Variants in WWTR1 observed in about 807,000 individuals in gnomAD.
The protein encoded by WWTR1 is WW domain containing transcription regulator 1, also known as WW domain-containing transcription regulator protein 1.
WWTR1 carries 13 observed loss-of-function variants against 40.1 expected under a neutral mutation model. The ratio of observed to expected loss-of-function variants is 0.32; its 90% CI spans 0.21 to 0.52. The LOEUF is 0.52. Among genes scored for constraint, WWTR1 ranks in the 20% least tolerant of loss-of-function variants. The probability of loss-of-function intolerance (pLI) is 0.97; values close to 1 mark genes in which losing one functional copy is unlikely to be tolerated. For synonymous variants in WWTR1, 230 were observed against 210.1 expected, an observed-to-expected ratio of 1.09 and a Z score of -0.82; for missense variants, 436 against 523.1, an observed-to-expected ratio of 0.83 and a Z score of 1.63.
intron 3 of WWTR1, among the ~76,000 whole-genome samples, chr3:149,561,198 TAGA>T (rs1737065217): frequency 6.6e-6 from 1 of 152,172 alleles, no homozygotes; most frequent in African/African-American, 2.4e-5. Context: ...TGTCTCTCAA[TAGA>T]AGAATTGGTT....
At chr3:149,568,523 CAAAAA>C (rs34414853) in intron 3 of WWTR1, among the ~76,000 whole-genome samples, 2,121 of 64,732 alleles carry the variant, frequency 0.033, 63 homozygotes, top group African/African-American at 0.06. Flanking sequence ...AATTAAAGTG[CAAAAA>C]AAAAAAAAAA....
intron 2 of WWTR1, among the ~76,000 whole-genome samples, chr3:149,614,601 C>T (rs947627284): frequency 3.3e-5 from 5 of 152,172 alleles, no homozygotes; most frequent in Non-Finnish European, 5.9e-5. Context: ...ATGTTTGATT[C>T]TACATCTTCC....
At chr3:149,605,382 C>T (rs1739438880) in intron 2 of WWTR1, among the ~76,000 whole-genome samples, 1 of 151,988 alleles carries the variant, frequency 6.6e-6, no homozygotes, top group African/African-American at 2.4e-5. Flanking sequence ...CACTAGAAAA[C>T]ATAGACAAGG....
At chr3:149,596,982 A>G (rs988886500) in intron 2 of WWTR1, among the ~76,000 whole-genome samples, 1 of 152,244 alleles carries the variant, frequency 6.6e-6, no homozygotes, top group Non-Finnish European at 1.5e-5. Flanking sequence ...ATAGAAAACT[A>G]TCAATAAATA....
rs759760872 is a variant in WWTR1, at chr3:149,572,853, T to C, written c.568+11A>G. On this transcript the variant is annotated intron_variant, in intron 3 of 6. Coordinates refer to ENST00000360632, the MANE Select transcript of WWTR1 (RefSeq NM_015472.6). The stretch of plus-strand genomic sequence containing the variant: ...ATATCTTTTTTAATTTTAAAAAAGC[T>C]TGAGGCTTACCGAGATTTGGCTGGG... The C allele has an allele frequency of 6.8e-6, 11 of 1,613,346 alleles. 1 individual carries two copies. The Admixed American group carries it at 1.3e-4, about 20-fold the overall frequency.
intron 2 of WWTR1, among the ~76,000 whole-genome samples, chr3:149,607,231 T>G (rs1305202929): frequency 6.6e-6 from 1 of 152,236 alleles, no homozygotes; most frequent in African/African-American, 2.4e-5. Context: ...TGAGGAGAAA[T>G]GTGTAACATA....
chr3:149,625,838 T>C (rs1740522219), intron 2 of WWTR1, among the ~76,000 whole-genome samples: 1 of 151,172 alleles, frequency 6.6e-6, no homozygotes, highest in Non-Finnish European at 1.5e-5. Flanking sequence ...AATTATATTC[T>C]CAAAAGGAAA....
chr3:149,652,700 A>AAATT (rs1712961533), intron 2 of WWTR1, among the ~76,000 whole-genome samples: 1 of 149,918 alleles, frequency 6.7e-6, no homozygotes, highest in Non-Finnish European at 1.5e-5. Context: ...CCTAACAGAC[A>AAATT]AATTTAAAAT....
intron 2 of WWTR1, among the ~76,000 whole-genome samples, chr3:149,614,794 C>T (rs989352120): frequency 1.3e-5 from 2 of 152,058 alleles, no homozygotes; most frequent in Non-Finnish European, 2.9e-5. Context: ...ACCAGCCTGG[C>T]CAACATGGTG....
At chr3:149,635,967 A>G (rs1711797965) in intron 2 of WWTR1, among the ~76,000 whole-genome samples, 1 of 152,242 alleles carries the variant, frequency 6.6e-6, no homozygotes, top group Non-Finnish European at 1.5e-5. Context: ...CTGAGATCTG[A>G]AAAGATGATA....
intron 2 of WWTR1, among the ~76,000 whole-genome samples, chr3:149,588,388 G>A (rs80069224): frequency 6.6e-5 from 10 of 152,234 alleles, no homozygotes; most frequent in Admixed American, 2.6e-4. Flanking sequence ...ATCTCATTTC[G>A]CATCCCTGTA....
intron 2 of WWTR1, among the ~76,000 whole-genome samples, chr3:149,612,756 A>G (rs1739794106): frequency 6.6e-6 from 1 of 152,172 alleles, no homozygotes; most frequent in Non-Finnish European, 1.5e-5. Flanking sequence ...CATATGAGAG[A>G]TCAGAATTCC....
At chr3:149,536,233 A>T (rs1735823989) in intron 4 of WWTR1, among the ~76,000 whole-genome samples, 1 of 152,170 alleles carries the variant, frequency 6.6e-6, no homozygotes, top group South Asian at 2.1e-4. Flanking sequence ...AAATATATGA[A>T]CGAATGAACT....
At chr3:149,630,902 C>T (rs969720654) in intron 2 of WWTR1, among the ~76,000 whole-genome samples, 14 of 152,192 alleles carry the variant, frequency 9.2e-5, no homozygotes, top group Admixed American at 2.6e-4. Context: ...TTAAGCTCTA[C>T]TTAATTCTGA....
At chr3:149,664,884 C>T (rs1300422027) in intron 2 of WWTR1, among the ~76,000 whole-genome samples, 4 of 151,744 alleles carry the variant, frequency 2.6e-5, no homozygotes, top group African/African-American at 7.3e-5. Context: ...CCACCGCGCC[C>T]GGCCAGAAGG....
chr3:149,621,231 TTTAAACTTTTCAAG>T (rs1560089011), intron 2 of WWTR1, among the ~76,000 whole-genome samples: 1 of 152,264 alleles, frequency 6.6e-6, no homozygotes, highest in Non-Finnish European at 1.5e-5. Flanking sequence ...AGTCCTTGTT[TTTAAACTTTTCAAG>T]TTTCTTAAAT....
chr3:149,674,114 G>A (rs1364467272), intron 1 of WWTR1, among the ~76,000 whole-genome samples: 2 of 151,280 alleles, frequency 1.3e-5, no homozygotes, highest in Non-Finnish European at 2.9e-5. Context: ...CAGCTACTGG[G>A]GAGGCTGAGG....
At chr3:149,546,953 C>T (rs1198561764) in intron 3 of WWTR1, among the ~76,000 whole-genome samples, 1 of 152,114 alleles carries the variant, frequency 6.6e-6, no homozygotes, top group South Asian at 2.1e-4. Context: ...CAGGAACCCA[C>T]CATTCACCTT....
intron 4 of WWTR1, among the ~76,000 whole-genome samples, chr3:149,531,653 C>A (rs530832432): frequency 2.6e-5 from 4 of 152,230 alleles, no homozygotes; most frequent in South Asian, 4.1e-4. Context: ...CTCCTACAGA[C>A]GCCATCTCTT....
Sources: allele counts gnomAD v4.1 joint callset (sites outside exome capture counted in the v4.1 genomes callset), GRCh38; gene constraint gnomAD v4.1.1; transcripts MANE v1.5; gene names NCBI Gene and HGNC (gene_info 2026-07-23, HGNC 2026-07-21).